The following DACT1 variants were observed in gnomAD, a reference collection of about 807,000 sequenced individuals.
DACT1 encodes the protein dishevelled binding antagonist of beta catenin 1.
Under a neutral mutation model 35.3 loss-of-function variants are expected in DACT1, and 19 were observed. The ratio of observed to expected loss-of-function variants is 0.54; its 90% CI spans 0.38 to 0.79. DACT1 has a LOEUF of 0.79. Among genes scored for constraint, DACT1 ranks in the 30% least tolerant of loss-of-function variants. DACT1 has a pLI of 0.00. For synonymous variants in DACT1, 545 were observed against 466.7 expected (o/e 1.17, Z -2.16); for missense variants, 1,143 against 1,057.5 (o/e 1.08, Z -1.12).
At position 58,646,216 on chromosome 14, in the gene DACT1, C is replaced by G. The variant is rs750523668; in HGVS notation, c.1482C>G (p.Pro494=). 2 of 1,613,672 alleles carry G rather than the reference C, an allele frequency of 1.2e-6. No homozygotes were observed. Among genetic ancestry groups the G allele is most frequent in the Admixed American group, 3.3e-5 (2 of 59,890 alleles). The change falls in exon 4 of 4, where the codon CCC becomes CCG. Residue 494 remains proline, a synonymous_variant. Transcript: ENST00000395153. ...ATPPLLSTAF[P]VEERPALDFK... is the part of the protein sequence containing the mutation. ...CTCCCCTGCTGTCTACAGCTTTCCC[C>G]GTGGAAGAGAGGCCTGCCTTGGATT...
At position 58,638,071 on chromosome 14, in the gene DACT1, C is replaced by A; in HGVS notation, c.-132C>A. The A allele has an allele frequency of 1.0e-6, 1 of 1,000,496 alleles. No homozygotes were observed. Among genetic ancestry groups the A allele is most frequent in the Non-Finnish European group, 1.3e-6 (1 of 789,496 alleles). The allele number at this position is 1,000,496 out of a possible 1,614,324, so 62.0% of individuals were successfully genotyped here. ...GCGCGCAGGACTCGAGGGCTTCTAG[C>A]CACCGTCCCCGCCAGCGCCGCGCCC... On this transcript the variant is annotated 5_prime_UTR_variant, in exon 1 of 4. Transcript: ENST00000395153.
rs761048430 is a variant in DACT1 at position 58,646,928 on chromosome 14, G to C, written c.2194G>C (p.Glu732Gln). ...SSVSEGEFVG[E>Q]STTTSDSEES... ...TGTGAGCGAGGGCGAGTTCGTGGGG[G>C]AGAGCACAACCACCAGCGACTCTGA... Residue 732 changes from glutamate (E) to glutamine (Q), a missense_variant, in exon 4 of 4, where the codon GAG becomes CAG. This residue lies in a region of DACT1 where 1,054 missense variants were observed against 958.8 expected (regional missense o/e 1.10). Transcript: ENST00000395153. 33 of 1,614,110 alleles carry C rather than the reference G, an allele frequency of 2.0e-5. No homozygotes were observed. In the South Asian group the frequency reaches 3.1e-4, roughly 15 times the overall value.
chr14:58,642,840 G>A (rs2047640640), intron 3 of DACT1, among the ~76,000 whole-genome samples: 1 of 152,156 alleles, frequency 6.6e-6, no homozygotes, highest in Non-Finnish European at 1.5e-5. Context: ...TTTTAAGTGG[G>A]TGCCCACATG....
upstream of DACT1, among the ~76,000 whole-genome samples, chr14:58,636,700 A>G (rs767074549): frequency 5.3e-5 from 8 of 152,140 alleles, no homozygotes; most frequent in Non-Finnish European, 8.8e-5. Context: ...TCTTTCACAC[A>G]ACACTTTGCC....
At chr14:58,641,911 G>A (rs529546661) in intron 3 of DACT1, among the ~76,000 whole-genome samples, 164 bp downstream of exon 3, 1 of 152,284 alleles carries the variant, frequency 6.6e-6, no homozygotes, top group East Asian at 1.9e-4. Context: ...ATCTAGGTGA[G>A]TATCTAGAAC....
chr14:58,646,804 GGCC>G lies in DACT1; in HGVS notation c.2072_2074del (p.Ala691del). On this transcript the variant is annotated inframe_deletion, in exon 4 of 4. Transcript: ENST00000395153. ...ACGTGGCTAGCGACTCCGAGTACTC[GGCC>G]GAGTGCGAGTCCCTGTTCCACTCCA... The G allele has an allele frequency of 1.2e-6, 2 of 1,614,134 alleles. No individual in the cohort carries two copies. The highest frequency in any genetic ancestry group is 1.7e-6 in the Non-Finnish European group (2 of 1,180,028).
intron 1 of DACT1, 89 bp from the exon 2 acceptor site, chr14:58,640,647 C>A (rs1027586477): frequency 1.2e-5 from 18 of 1,535,466 alleles, no homozygotes; most frequent in Non-Finnish European, 1.6e-5. Context: ...GTGAACTCTT[C>A]AGATGGGTAA....
chr14:58,646,619 G>T lies in DACT1; in HGVS notation c.1885G>T (p.Val629Leu). ...RAHGHGREAV[V>L]AKPKHKRTDY... ...GCATGGCCACGGACGGGAGGCGGTG[G>T]TGGCCAAACCTAAGCACAAGCGAAC... The change falls in exon 4 of 4, where the codon GTG becomes TTG. Residue 629 changes from valine to leucine, a missense_variant. Around this residue, in one of 3 missense-constraint regions of DACT1, gnomAD observed 1,054 missense variants for 958.8 expected, o/e 1.10. Transcript: ENST00000395153. 6.2e-7 allele frequency: 1 copy of T among 1,607,116 alleles called. No homozygotes were observed. Among genetic ancestry groups the T allele is most frequent in the Non-Finnish European group, 8.5e-7 (1 of 1,177,058 alleles).
rs569025485 is a variant in DACT1, at chr14:58,647,196, A to G, written c.*62A>G. On this transcript the variant is annotated 3_prime_UTR_variant, in exon 4 of 4. Coordinates refer to ENST00000395153, the MANE Select transcript of DACT1 (RefSeq NM_001079520.2). ...TTTCTTCTCCCTAGTTGCCAAAATT[A>G]AAAAGGTGGTGTTTTCATTTTTGTA... 3.2e-6 allele frequency: 5 copies of G among 1,556,024 alleles called. No individual in the cohort carries two copies. The East Asian group carries it at 1.1e-4, about 35-fold the overall frequency.
At chr14:58,643,556 T>C (rs1376976089) in intron 3 of DACT1, among the ~76,000 whole-genome samples, 1 of 152,160 alleles carries the variant, frequency 6.6e-6, no homozygotes, top group Non-Finnish European at 1.5e-5. Context: ...CTCAAGTTCA[T>C]TGGTAATTGC....
intron 1 of DACT1, among the ~76,000 whole-genome samples, chr14:58,640,089 G>A (rs1304684231): frequency 6.6e-6 from 1 of 152,216 alleles, no homozygotes; most frequent in Non-Finnish European, 1.5e-5. Flanking sequence ...GGAAGCACTA[G>A]GTGGCAGTGT....
In DACT1 at chr14:58,640,844, G is replaced by C. The variant is rs921915010; in HGVS notation, c.454G>C (p.Glu152Gln). 17 of 1,614,040 alleles carry C rather than the reference G, an allele frequency of 1.1e-5. No individual in the cohort carries two copies. The highest frequency in any genetic ancestry group is 1.3e-5 in the Non-Finnish European group (15 of 1,180,028). Residue 152 changes from glutamate (E) to glutamine (Q), a missense_variant, in exon 2 of 4, where the codon GAG (glutamate) becomes CAG (glutamine). Glu to Gln is a conservative substitution (Grantham distance 29). Transcript: ENST00000395153. ...AGAAAAGACATCTGAAGAGCACCTG[G>C]AGACAGACAGTCGGCCTAGCTCAGG... ...DVEKTSEEHLETDSRPSSGFY... is the reference protein window; with the variant it reads ...DVEKTSEEHLQTDSRPSSGFY...
At chr14:58,638,832 T>G in intron 1 of DACT1, 3 of 1,138,002 alleles carry the variant, frequency 2.6e-6, no homozygotes, top group Non-Finnish European at 3.2e-6. Context: ...CCTTCGGGAT[T>G]CTTGGAGTCG....
In DACT1 at chr14:58,646,696, G is replaced by C; in HGVS notation, c.1962G>C (p.Leu654=). Residue 654 remains leucine, a synonymous_variant, in exon 4 of 4, where the codon CTG becomes CTC. Coordinates refer to ENST00000395153, the MANE Select transcript of DACT1 (RefSeq NM_001079520.2). ...SSAEISYEEA[L]RRARRGRREN... ...CCGAGATTTCCTACGAAGAGGCCCT[G>C]AGGAGGGCCCGGCGCGGTCGCCGGG... 5 of 1,613,182 alleles carry C rather than the reference G, an allele frequency of 3.1e-6. No individual in the cohort carries two copies. The highest frequency in any genetic ancestry group is 4.2e-6 in the Non-Finnish European group (5 of 1,179,912).
chr14:58,637,898 G>C (rs1566987461), upstream of DACT1, among the ~76,000 whole-genome samples: 1 of 151,610 alleles, frequency 6.6e-6, no homozygotes, highest in South Asian at 2.1e-4. Flanking sequence ...GGGCCGGCGC[G>C]GGGAGGCGGG....
chr14:58,641,933 C>T (rs2047630828), intron 3 of DACT1, among the ~76,000 whole-genome samples, 186 bp downstream of exon 3: 1 of 152,154 alleles, frequency 6.6e-6, no homozygotes, highest in Non-Finnish European at 1.5e-5. Flanking sequence ...ATTCCAGTAC[C>T]CTTTGGGTGC....
rs745927424 is a variant in DACT1, at chr14:58,646,124, A to G, written c.1390A>G (p.Lys464Glu). 6.2e-6 allele frequency: 10 copies of G among 1,612,962 alleles called. No individual in the cohort carries two copies. Among genetic ancestry groups the G allele is most frequent in the East Asian group, 2.2e-5 (1 of 44,858 alleles). The change falls in exon 4 of 4, where the codon AAA becomes GAA. Residue 464 changes from lysine (K) to glutamate (E), a missense_variant. This residue lies in a region of DACT1 where 1,054 missense variants were observed against 958.8 expected (regional missense o/e 1.10). Coordinates refer to ENST00000395153, the MANE Select transcript of DACT1 (RefSeq NM_001079520.2). ...AGGCCCTGCCCCGCCGCAGGAGAAC[A>G]AAGTTGTACAGCCCCTGAAAAAGAT... Reference protein sequence around the residue: ...SRGPAPPQENKVVQPLKKMSQ... With the variant: ...SRGPAPPQENEVVQPLKKMSQ...
rs1358068363 is a variant in DACT1, at chr14:58,647,922, G to C, written c.*788G>C. 2 of 167,062 alleles carry C rather than the reference G, an allele frequency of 1.2e-5. No individual in the cohort carries two copies. Among genetic ancestry groups the C allele is most frequent in the Non-Finnish European group, 2.9e-5 (2 of 68,130 alleles). The allele number at this position is 167,062 out of a possible 1,614,324, so 10.3% of individuals were successfully genotyped here. ...GATAAAATTTTGGTCCTTGGGCACAGAGACATTCACTATTAATGAAGTAAC... is the reference window on the plus strand; with the variant it reads ...GATAAAATTTTGGTCCTTGGGCACACAGACATTCACTATTAATGAAGTAAC... On this transcript the variant is annotated 3_prime_UTR_variant, in exon 4 of 4. Transcript: ENST00000395153.
chr14:58,638,215 C>A lies in DACT1; in HGVS notation c.13C>A (p.Pro5Thr), dbSNP rs2140210889. 5 of 1,342,750 alleles carry A rather than the reference C, an allele frequency of 3.7e-6. No individual in the cohort carries two copies. Among genetic ancestry groups the A allele is most frequent in the East Asian group, 6.3e-5 (2 of 31,532 alleles). The allele number at this position is 1,342,750 out of a possible 1,614,324, so 83.2% of individuals were successfully genotyped here. A position where few individuals can be genotyped will look rare whatever the true frequency, so the allele number is the denominator to read the frequency against. The change falls in exon 1 of 4, where the codon CCG becomes ACG. Residue 5 changes from proline (P) to threonine (T), a missense_variant. Transcript: ENST00000395153. MKPS[P>T]AGTAKELEPP... ...CCGACTGGGGGCCATGAAGCCGAGTCCGGCCGGGACGGCGAAGGAGCTGGA... is the reference window on the plus strand; with the variant it reads ...CCGACTGGGGGCCATGAAGCCGAGTACGGCCGGGACGGCGAAGGAGCTGGA...
Sources: allele counts gnomAD v4.1 joint callset (sites outside exome capture counted in the v4.1 genomes callset), GRCh38; gene constraint gnomAD v4.1.1; regional missense constraint gnomAD v4.1.1; transcripts MANE v1.5; gene names NCBI Gene and HGNC (gene_info 2026-07-23, HGNC 2026-07-21).